Variants in PREX2 observed in about 807,000 individuals in gnomAD.
PREX2 encodes the protein phosphatidylinositol-3,4,5-trisphosphate dependent Rac exchange factor 2, also known as phosphatidylinositol 3,4,5-trisphosphate-dependent Rac exchanger 2 protein.
Under a neutral mutation model 203.2 loss-of-function variants are expected in PREX2, and 107 were observed. That is an observed-to-expected ratio of 0.53 (90% confidence interval 0.45 to 0.62). The LOEUF (loss-of-function observed/expected upper bound fraction) is 0.62, where lower values mean the gene tolerates loss of function less well. Ranked by LOEUF, PREX2 falls within the 20% of genes least tolerant of loss-of-function variation. The pLI is 0.00. For missense variants in PREX2, 1,777 were observed against 1,955.9 expected (o/e 0.91, Z 1.72); for synonymous variants, 672 against 663.6 (o/e 1.01, Z -0.19).
chr8:68,120,198 G>A lies in PREX2; in HGVS notation c.3507G>A (p.Val1169=). ...HSCLEHLFSQ[V]DSITNLLKGQ... is the part of the protein sequence containing the mutation. ...TCGGAAATCTCTACTATTGATAGGTGGATTCAATTACCAATCTCCTAAAAG... is the reference window on the plus strand; with the variant it reads ...TCGGAAATCTCTACTATTGATAGGTAGATTCAATTACCAATCTCCTAAAAG... Residue 1169 remains valine, a splice_region_variant and synonymous_variant, in exon 29 of 40, where the codon GTG becomes GTA. Transcript: ENST00000288368. 1 of 1,601,736 alleles carries A rather than the reference G, an allele frequency of 6.2e-7. No homozygotes were observed. The highest frequency in any genetic ancestry group is 8.6e-7 in the Non-Finnish European group (1 of 1,168,848).
chr8:68,040,972 T>C (rs986869943), intron 7 of PREX2, among the ~76,000 whole-genome samples: 2 of 152,232 alleles, frequency 1.3e-5, no homozygotes, highest in Admixed American at 1.3e-4. Context: ...AGAATGTTCT[T>C]ACTTTATGGG....
intron 23 of PREX2, chr8:68,106,059 G>A (rs1563548599): frequency 4.5e-6 from 1 of 220,804 alleles, no homozygotes; most frequent in South Asian, 5.9e-5. Context: ...TGAACTCCAG[G>A]AGGGCAAGGG....
At chr8:68,192,938 A>T (rs1489945352) in intron 37 of PREX2, among the ~76,000 whole-genome samples, 1 of 152,192 alleles carries the variant, frequency 6.6e-6, no homozygotes, top group Non-Finnish European at 1.5e-5. Flanking sequence ...TGTGAGCTAG[A>T]TGCTGCTTGG....
At chr8:68,221,090 C>T (rs1812945597) in intron 38 of PREX2, among the ~76,000 whole-genome samples, 1 of 152,074 alleles carries the variant, frequency 6.6e-6, no homozygotes, top group Admixed American at 6.6e-5. Flanking sequence ...TTGTTTCGTC[C>T]CCACTTAAAA....
At chr8:68,221,382 A>T (rs1458112537) in intron 38 of PREX2, among the ~76,000 whole-genome samples, 1 of 152,200 alleles carries the variant, frequency 6.6e-6, no homozygotes, top group Middle Eastern at 3.2e-3. Flanking sequence ...TGGGTGATTC[A>T]GGGAAATATT....
chr8:68,189,555 T>C (rs566047509), intron 35 of PREX2, among the ~76,000 whole-genome samples: 87 of 152,374 alleles, frequency 5.7e-4, no homozygotes, highest in Non-Finnish European at 1.0e-3. Flanking sequence ...ATTTTCATCA[T>C]GGAAATAATC....
chr8:68,022,928 C>T (rs548543075), intron 4 of PREX2, among the ~76,000 whole-genome samples: 101 of 152,240 alleles, frequency 6.6e-4, no homozygotes, highest in African/African-American at 2.4e-3. Context: ...AAAATGTTTT[C>T]GAAGTTCATT....
intron 6 of PREX2, among the ~76,000 whole-genome samples, chr8:68,037,221 C>G (rs991794633): frequency 6.6e-6 from 1 of 152,130 alleles, no homozygotes; most frequent in Admixed American, 6.6e-5. Context: ...GAAATTTACT[C>G]CAGATTTAAA....
At chr8:68,158,292 A>G (rs1391653861) in intron 35 of PREX2, among the ~76,000 whole-genome samples, 1 of 151,984 alleles carries the variant, frequency 6.6e-6, no homozygotes, top group East Asian at 1.9e-4. Context: ...CTTGAGCCTT[A>G]ATAAATCAAA....
chr8:68,054,889 T>C (rs894821546), intron 9 of PREX2, among the ~76,000 whole-genome samples: 2 of 152,224 alleles, frequency 1.3e-5, no homozygotes, highest in Admixed American at 6.5e-5. Context: ...GTCACTCTCA[T>C]CAGAGGCCCG....
intron 37 of PREX2, among the ~76,000 whole-genome samples, chr8:68,216,507 G>T (rs924785375): frequency 2.6e-5 from 4 of 151,656 alleles, no homozygotes; most frequent in Admixed American, 6.6e-5. Flanking sequence ...CAATTTTTAT[G>T]AAATGTATGC....
chr8:68,018,145 C>T (rs1807459815), intron 2 of PREX2, among the ~76,000 whole-genome samples: 1 of 148,360 alleles, frequency 6.7e-6, no homozygotes, highest in African/African-American at 2.5e-5. Flanking sequence ...TTTTTTTCAA[C>T]CAAGGCCTTG....
chr8:68,096,350 A>G (rs914911003), intron 21 of PREX2, among the ~76,000 whole-genome samples: 2 of 152,182 alleles, frequency 1.3e-5, no homozygotes, highest in Non-Finnish European at 2.9e-5. Context: ...TAAGTAAACT[A>G]ATATTCTAGT....
At chr8:68,100,625 G>A (rs974240209) in intron 23 of PREX2, among the ~76,000 whole-genome samples, 6 of 152,190 alleles carry the variant, frequency 3.9e-5, no homozygotes, top group Non-Finnish European at 8.8e-5. Context: ...GCAGAAAGAA[G>A]GCCAGGGTGG....
In PREX2 at chr8:68,140,452, T is replaced by C. The variant is rs181136573; in HGVS notation, c.4087+1935T>C. 1.1e-3 allele frequency among the ~76,000 whole-genome samples: 173 copies of C among 152,324 alleles called. 2 individuals carry two copies. The highest frequency in any genetic ancestry group is 7.3e-3 in the Admixed American group (111 of 15,290). On this transcript the variant is annotated intron_variant, in intron 33 of 39. Coordinates refer to ENST00000288368, the MANE Select transcript of PREX2 (RefSeq NM_024870.4). ...TGTATTCAGAGGTCATCACATCTTATTTAAGTGGTGTAAGAAAATGAAGCT... is the reference window on the plus strand; with the variant it reads ...TGTATTCAGAGGTCATCACATCTTACTTAAGTGGTGTAAGAAAATGAAGCT...
intron 37 of PREX2, among the ~76,000 whole-genome samples, 163 bp from the exon 38 acceptor site, chr8:68,217,453 A>G (rs145771095): frequency 0.016 from 2,507 of 152,274 alleles, 49 homozygotes; most frequent in Admixed American, 0.024. Flanking sequence ...TACCTTTATA[A>G]TCTATTTTTA....
At position 67,953,172 on chromosome 8, in the gene PREX2, T is replaced by TC. The variant is rs1170975138; in HGVS notation, c.141+644dup. The stretch of plus-strand genomic sequence containing the variant: ...ACCCTGTCCTAGTCTTACAATTCCC[T>TC]CCCCCCCGCCCCCCGCCCCGGCTTA... On this transcript the variant is annotated intron_variant, in intron 1 of 39. Coordinates refer to ENST00000288368, the MANE Select transcript of PREX2 (RefSeq NM_024870.4). Among the ~76,000 whole-genome samples the TC allele has an allele frequency of 8.2e-5, 5 of 61,104 alleles. No homozygotes were observed. The South Asian group carries it at 4.4e-3, about 54-fold the overall frequency. 40.1% of individuals were successfully genotyped at this position (61,104 alleles called of 152,430 possible).
intron 7 of PREX2, among the ~76,000 whole-genome samples, chr8:68,039,834 A>G (rs2129610755): frequency 6.6e-6 from 1 of 152,084 alleles, no homozygotes; most frequent in South Asian, 2.1e-4. Context: ...CATCATTACT[A>G]CTCTGCTCCA....
chr8:68,215,993 A>G (rs2129615268), intron 37 of PREX2, among the ~76,000 whole-genome samples: 1 of 152,344 alleles, frequency 6.6e-6, no homozygotes, highest in South Asian at 2.1e-4. Flanking sequence ...CTAGAACTTA[A>G]TGATGAAACT....
Sources: gnomAD v4.1 joint callset for allele counts (sites outside exome capture counted in the v4.1 genomes callset) on GRCh38, gnomAD v4.1.1 for gene constraint, MANE v1.5 for transcripts, NCBI Gene and HGNC (gene_info 2026-07-23, HGNC 2026-07-21) for gene names.